Variants in SPIN1 observed in about 807,000 individuals in gnomAD.
SPIN1 encodes spindlin-1.
Under a neutral mutation model 26.0 loss-of-function variants are expected in SPIN1, and 3 were observed. The ratio of observed to expected loss-of-function variants is 0.12; its 90% CI spans 0.05 to 0.30. The LOEUF (loss-of-function observed/expected upper bound fraction) is 0.30, where lower values mean the gene tolerates loss of function less well. SPIN1 is among the 10% of genes least tolerant of loss of function. The pLI is 1.00. For synonymous variants in SPIN1, 101 were observed against 116.5 expected (o/e 0.87, Z 0.86); for missense variants, 126 against 333.4 (o/e 0.38, Z 4.84).
Position 88,410,964 on chromosome 9 carries a change from A to G in SPIN1, c.-158-15418A>G, listed in dbSNP as rs189721560. On this transcript the variant is annotated intron_variant, in intron 1 of 5. Transcript: ENST00000375859. ...CAATTGTTGCCATTCACAGTATGAT[A>G]TTTCTGAATGACAGTCTTATCCACG... 122 of 1,289,224 alleles carry G rather than the reference A, an allele frequency of 9.5e-5. No homozygotes were observed. In the East Asian group the frequency reaches 2.4e-3, roughly 26 times the overall value. The allele number at this position is 1,289,224 out of a possible 1,614,324, so 79.9% of individuals were successfully genotyped here. A position where few individuals can be genotyped will look rare whatever the true frequency, so the allele number is the denominator to read the frequency against.
chr9:88,433,331 C>T (rs1827922398), intron 2 of SPIN1, among the ~76,000 whole-genome samples: 1 of 152,166 alleles, frequency 6.6e-6, no homozygotes, highest in South Asian at 2.1e-4. Context: ...GATCCACTGG[C>T]CTTGGTCTCC....
chr9:88,457,914 C>T (rs2118170783), intron 3 of SPIN1: 1 of 984,954 alleles, frequency 1.0e-6, no homozygotes, highest in East Asian at 1.1e-4. Flanking sequence ...AATGAAAATA[C>T]CAATTTGTAA....
intron 3 of SPIN1, among the ~76,000 whole-genome samples, chr9:88,460,322 T>G (rs1828554659): frequency 6.6e-6 from 1 of 152,194 alleles, no homozygotes; most frequent in Non-Finnish European, 1.5e-5. Flanking sequence ...TCTTCTAGTC[T>G]TAATTTCTGA....
intron 1 of SPIN1, among the ~76,000 whole-genome samples, chr9:88,419,535 G>A (rs1046811774): frequency 2.0e-5 from 3 of 152,116 alleles, no homozygotes; most frequent in African/African-American, 7.2e-5. Flanking sequence ...TTTTGTATTT[G>A]AGTGCTATTT....
At chr9:88,458,291 A>G (rs1828512284) in intron 3 of SPIN1, among the ~76,000 whole-genome samples, 1 of 152,228 alleles carries the variant, frequency 6.6e-6, no homozygotes, top group Non-Finnish European at 1.5e-5. Context: ...TCATAGTATC[A>G]TTTACCACAG....
intron 2 of SPIN1, among the ~76,000 whole-genome samples, chr9:88,447,566 C>A (rs1828276117): frequency 6.6e-6 from 1 of 152,158 alleles, no homozygotes; most frequent in Non-Finnish European, 1.5e-5. Flanking sequence ...ATTGATTGCT[C>A]CAAGTGTTAA....
rs1210384229 is a variant in SPIN1, at chr9:88,475,439, T to G, written c.*162T>G. 3 of 602,824 alleles carry G rather than the reference T, an allele frequency of 5.0e-6. No individual in the cohort carries two copies. The highest frequency in any genetic ancestry group is 1.9e-5 in the African/African-American group (1 of 53,406). 37.3% of individuals were successfully genotyped at this position (602,824 alleles called of 1,614,324 possible). A position where few individuals can be genotyped will look rare whatever the true frequency, so the allele number is the denominator to read the frequency against. ...TTGTTCTGAATAGTACAGATTGATGTGAACACAAAGCATTTTGTGTAAGGA... is the reference window on the plus strand; with the variant it reads ...TTGTTCTGAATAGTACAGATTGATGGGAACACAAAGCATTTTGTGTAAGGA... On this transcript the variant is annotated 3_prime_UTR_variant, in exon 6 of 6. Coordinates refer to ENST00000375859, the MANE Select transcript of SPIN1 (RefSeq NM_006717.3).
intron 2 of SPIN1, among the ~76,000 whole-genome samples, chr9:88,435,822 C>T (rs1827989443): frequency 6.6e-6 from 1 of 152,252 alleles, no homozygotes; most frequent in Non-Finnish European, 1.5e-5. Flanking sequence ...GTCTGTCAGC[C>T]TATATCACAT....
chr9:88,466,166 T>G (rs1484797925), intron 4 of SPIN1, among the ~76,000 whole-genome samples: 1 of 149,866 alleles, frequency 6.7e-6, no homozygotes, highest in Non-Finnish European at 1.5e-5. Context: ...TATGTTTTAA[T>G]TTTTTTTTTA....
intron 5 of SPIN1, among the ~76,000 whole-genome samples, chr9:88,473,182 C>T (rs1828823553): frequency 6.6e-6 from 1 of 151,180 alleles, no homozygotes; most frequent in Non-Finnish European, 1.5e-5. Context: ...CACCTGAGGT[C>T]AGGAGTTCGA....
intron 1 of SPIN1, chr9:88,391,698 A>G (rs1281169701): frequency 6.6e-6 from 1 of 152,094 alleles, no homozygotes; most frequent in Non-Finnish European, 1.5e-5. Context: ...CTAGGGTTGA[A>G]AGTCACGCTA....
rs749804298 is a variant in SPIN1 at position 88,475,211 on chromosome 9, C to T, written c.723C>T (p.Ser241=). ...TTCATCAAGTAGAAGCCAAGCCCTCCGTCTATTTCATCAAGTTTGATGATG... is the reference window on the plus strand; with the variant it reads ...TTCATCAAGTAGAAGCCAAGCCCTCTGTCTATTTCATCAAGTTTGATGATG... ...MVIHQVEAKP[S]VYFIKFDDDF... is the part of the protein sequence containing the mutation. Residue 241 remains serine (S), a synonymous_variant, in exon 6 of 6, where the codon TCC becomes TCT. Transcript: ENST00000375859. 2.5e-5 allele frequency: 40 copies of T among 1,613,716 alleles called. No individual in the cohort carries two copies. The highest frequency in any genetic ancestry group is 1.6e-4 in the South Asian group (15 of 91,072).
In SPIN1 at chr9:88,393,166, A is replaced by T. The variant is rs953939617; in HGVS notation, c.-159+4628A>T. On this transcript the variant is annotated intron_variant, in intron 1 of 5. Transcript: ENST00000375859. ...TTTTTTTTCCTGAAGGGAGGGGAGG[A>T]GGAAGAATTTACTCAATGTAAATAT... Among the ~76,000 whole-genome samples, 23 of 134,556 alleles carry T rather than the reference A, an allele frequency of 1.7e-4. No homozygotes were observed. The East Asian group carries it at 4.5e-3, about 26-fold the overall frequency. 88.3% of individuals were successfully genotyped at this position (134,556 alleles called of 152,430 possible).
intron 1 of SPIN1, among the ~76,000 whole-genome samples, chr9:88,392,798 C>T (rs1464066569): frequency 7.2e-5 from 11 of 152,014 alleles, no homozygotes; most frequent in Non-Finnish European, 1.5e-5. Context: ...AGTAAATGCC[C>T]AGTTGATATT....
At chr9:88,430,537 G>A (rs888295907) in intron 2 of SPIN1, among the ~76,000 whole-genome samples, 2 of 152,174 alleles carry the variant, frequency 1.3e-5, no homozygotes, top group African/African-American at 2.4e-5. Flanking sequence ...CTGCTACAGT[G>A]GTAAATAGAT....
rs558613819 is a variant in SPIN1 at position 88,469,162 on chromosome 9, A to G, written c.589+557A>G. 3.0e-4 allele frequency among the ~76,000 whole-genome samples: 45 copies of G among 152,216 alleles called. 1 individual carries two copies. In the South Asian group the frequency reaches 9.1e-3, roughly 31 times the overall value. On this transcript the variant is annotated intron_variant, in intron 5 of 5. Transcript: ENST00000375859. ...GGTTTTGGAGGCATTAGATTCCCAT[A>G]AGGAACACACAACTTAGATTCTTCA...
intron 1 of SPIN1, among the ~76,000 whole-genome samples, chr9:88,407,865 A>T (rs980636873): frequency 6.6e-6 from 1 of 150,994 alleles, no homozygotes; most frequent in Non-Finnish European, 1.5e-5. Flanking sequence ...GGCTCAAATG[A>T]TCCTCCTACC....
intron 1 of SPIN1, among the ~76,000 whole-genome samples, chr9:88,397,500 T>C (rs1827092329): frequency 6.6e-6 from 1 of 152,122 alleles, no homozygotes; most frequent in African/African-American, 2.4e-5. Context: ...TCCTGGTCTT[T>C]AGAGTTTGGC....
At chr9:88,473,751 T>C (rs558714939) in intron 5 of SPIN1, among the ~76,000 whole-genome samples, 3 of 152,264 alleles carry the variant, frequency 2.0e-5, no homozygotes, top group African/African-American at 7.2e-5. Flanking sequence ...GTACCCGCTC[T>C]GATGGTAAAA....
Sources: allele counts gnomAD v4.1 joint callset (sites outside exome capture counted in the v4.1 genomes callset), GRCh38; gene constraint gnomAD v4.1.1; transcripts MANE v1.5; gene names NCBI Gene and HGNC (gene_info 2026-07-23, HGNC 2026-07-21).